CNTNAP2: variants seen among roughly 807,000 people sequenced by gnomAD.
CNTNAP2 encodes contactin-associated protein-like 2.
A neutral mutation model predicts 155.2 loss-of-function variants in CNTNAP2; 98 were observed. That is an observed-to-expected ratio of 0.63 (90% CI 0.54 to 0.75). CNTNAP2 has a LOEUF of 0.75. Ranked by LOEUF, CNTNAP2 falls within the 30% of genes least tolerant of loss-of-function variation. The probability of loss-of-function intolerance (pLI) is 0.00; values close to 1 mark genes in which losing one functional copy is unlikely to be tolerated. For missense variants in CNTNAP2, 1,727 were observed against 1,688.1 expected (o/e 1.02, Z -0.40); for synonymous variants, 651 against 631.2 (o/e 1.03, Z -0.47).
chr7:146,198,626 TA>T (rs1798812205), intron 1 of CNTNAP2, among the ~76,000 whole-genome samples: 1 of 152,192 alleles, frequency 6.6e-6, no homozygotes, highest in Non-Finnish European at 1.5e-5. Flanking sequence ...TCTTCTATCT[TA>T]AATGTTATAC....
chr7:146,190,524 C>T (rs865966329), intron 1 of CNTNAP2, among the ~76,000 whole-genome samples: 1 of 152,146 alleles, frequency 6.6e-6, no homozygotes, highest in Admixed American at 6.6e-5. Flanking sequence ...AAAAATGTGC[C>T]ACATCCCTGT....
chr7:147,912,263 A>G (rs1800080198), intron 14 of CNTNAP2, among the ~76,000 whole-genome samples: 1 of 152,164 alleles, frequency 6.6e-6, no homozygotes, highest in Admixed American at 6.5e-5. Context: ...TATTGATTCC[A>G]ATTACACCCA....
intron 1 of CNTNAP2, among the ~76,000 whole-genome samples, chr7:146,397,697 T>G (rs1050061181): frequency 1.3e-5 from 2 of 152,058 alleles, no homozygotes; most frequent in Non-Finnish European, 2.9e-5. Flanking sequence ...CCCTCCAAAT[T>G]TATACCCATA....
chr7:147,143,485 A>G (rs1460339239), intron 8 of CNTNAP2, among the ~76,000 whole-genome samples: 2 of 152,322 alleles, frequency 1.3e-5, no homozygotes, highest in South Asian at 2.1e-4. Context: ...TTTAAGAACA[A>G]CAATCCCACT....
rs543481817 is a variant in CNTNAP2 at position 147,615,426 on chromosome 7, C to G, written c.1898-23680C>G. On this transcript the variant is annotated intron_variant, in intron 12 of 23. Transcript: ENST00000361727. ...ACCAGCCTAGGCAACATAGTGAGAA[C>G]CTGTCTCAAAAAAAACTGTTAAAAA... 1.7e-4 allele frequency among the ~76,000 whole-genome samples: 24 copies of G among 141,438 alleles called. No individual in the cohort carries two copies. In the East Asian group the frequency reaches 3.1e-3, roughly 18 times the overall value. 92.8% of individuals were successfully genotyped at this position (141,438 alleles called of 152,430 possible). A position where few individuals can be genotyped will look rare whatever the true frequency, so the allele number is the denominator to read the frequency against.
intron 1 of CNTNAP2, among the ~76,000 whole-genome samples, chr7:146,621,429 G>T (rs894305829): frequency 6.6e-6 from 1 of 152,004 alleles, no homozygotes; most frequent in African/African-American, 2.4e-5. Context: ...ATCCAATCTA[G>T]CTCACCATAT....
At chr7:148,155,858 GAT>G (rs1488986528) in intron 17 of CNTNAP2, among the ~76,000 whole-genome samples, 3 of 152,308 alleles carry the variant, frequency 2.0e-5, no homozygotes, top group African/African-American at 7.2e-5. Flanking sequence ...CCCTGACTGA[GAT>G]GACCCTGTGG....
At chr7:147,913,177 G>A (rs536009247) in intron 14 of CNTNAP2, among the ~76,000 whole-genome samples, 17 of 152,300 alleles carry the variant, frequency 1.1e-4, no homozygotes, top group African/African-American at 4.1e-4. Context: ...AGCTTCCAGG[G>A]ATAAGCCAGT....
At chr7:146,972,530 A>G (rs1387378468) in intron 3 of CNTNAP2, among the ~76,000 whole-genome samples, 1 of 152,210 alleles carries the variant, frequency 6.6e-6, no homozygotes, top group South Asian at 2.1e-4. Flanking sequence ...ATCAATGACC[A>G]TATAAAGCAG....
intron 1 of CNTNAP2, among the ~76,000 whole-genome samples, chr7:146,634,803 TTTC>T (rs1419903317): frequency 2.6e-5 from 4 of 152,166 alleles, no homozygotes; most frequent in Non-Finnish European, 5.9e-5. Flanking sequence ...AAAAAAATAA[TTTC>T]TTAAAATCGC....
intron 1 of CNTNAP2, among the ~76,000 whole-genome samples, chr7:146,582,710 C>A (rs1424214398): frequency 6.6e-6 from 1 of 152,010 alleles, no homozygotes. Context: ...CCAGATCACT[C>A]TGAATGTGTT....
At chr7:147,030,630 C>T (rs1034486374) in intron 3 of CNTNAP2, among the ~76,000 whole-genome samples, 8 of 151,992 alleles carry the variant, frequency 5.3e-5, no homozygotes, top group African/African-American at 1.5e-4. Context: ...TCAATTTGTT[C>T]GCTTATAAAT....
intron 9 of CNTNAP2, among the ~76,000 whole-genome samples, chr7:147,350,549 C>A (rs1348004454): frequency 1.3e-5 from 2 of 151,706 alleles, no homozygotes; most frequent in Non-Finnish European, 3.0e-5. Context: ...CATTAAAATT[C>A]TTGTCTAGTT....
At chr7:147,285,395 A>G (rs1012927180) in intron 8 of CNTNAP2, among the ~76,000 whole-genome samples, 1 of 151,956 alleles carries the variant, frequency 6.6e-6, no homozygotes, top group African/African-American at 2.4e-5. Context: ...TTATTATGGA[A>G]CCAAAATTTT....
intron 8 of CNTNAP2, among the ~76,000 whole-genome samples, chr7:147,184,110 C>A (rs1802518684): frequency 6.6e-6 from 1 of 152,048 alleles, no homozygotes; most frequent in Non-Finnish European, 1.5e-5. Context: ...TATTGATAAG[C>A]CTGAGTTCCT....
rs554440037 is a variant in CNTNAP2, at chr7:147,894,937, TTTTCTTTCTTTC to T, written c.2099-8608_2099-8597del. On this transcript the variant is annotated intron_variant, in intron 13 of 23. Coordinates refer to ENST00000361727, the MANE Select transcript of CNTNAP2 (RefSeq NM_014141.6). ...AAATAACAGAAATCTATTGGTTTCT[TTTTCTTTCTTTC>T]TTTCTTTCTTTCTTTCTTTTTTTTT... Among the ~76,000 whole-genome samples the T allele has an allele frequency of 7.1e-3, 683 of 96,468 alleles. 13 individuals are homozygous for T. The highest frequency in any genetic ancestry group is 0.019 in the East Asian group (63 of 3,292). The allele number at this position is 96,468 out of a possible 152,430, so 63.3% of individuals were successfully genotyped here.
chr7:147,969,641 G>C (rs746736378), intron 14 of CNTNAP2, among the ~76,000 whole-genome samples: 7 of 152,082 alleles, frequency 4.6e-5, no homozygotes, highest in Non-Finnish European at 1.0e-4. Flanking sequence ...TGGACAGAGG[G>C]CATGTAGCAG....
At chr7:147,293,312 A>G (rs1309980627) in intron 8 of CNTNAP2, among the ~76,000 whole-genome samples, 2 of 152,174 alleles carry the variant, frequency 1.3e-5, no homozygotes, top group Non-Finnish European at 2.9e-5. Flanking sequence ...GATCATATTT[A>G]TAATGTGGTT....
chr7:147,835,838 C>T (rs1024387842), intron 13 of CNTNAP2, among the ~76,000 whole-genome samples: 1 of 152,054 alleles, frequency 6.6e-6, no homozygotes, highest in Non-Finnish European at 1.5e-5. Flanking sequence ...CATGTGAAGA[C>T]CCATGTGAAG....
Sources: allele counts gnomAD v4.1 joint callset (sites outside exome capture counted in the v4.1 genomes callset), GRCh38; gene constraint gnomAD v4.1.1; transcripts MANE v1.5; gene names NCBI Gene and HGNC (gene_info 2026-07-23, HGNC 2026-07-21).